SHROOM2: variants seen among roughly 807,000 people sequenced by gnomAD.
SHROOM2 encodes shroom family member 2.
SHROOM2 carries 33 observed loss-of-function variants against 75.9 expected under a neutral mutation model. That is an observed-to-expected ratio of 0.43 (90% CI 0.33 to 0.58). The LOEUF is 0.58. Among genes scored for constraint, SHROOM2 ranks in the 20% least tolerant of loss-of-function variants. SHROOM2 has a pLI of 0.04. For missense variants in SHROOM2, 1,434 were observed against 1,461.2 expected, an observed-to-expected ratio of 0.98 and a Z score of 0.30; for synonymous variants, 655 against 663.6, an observed-to-expected ratio of 0.99 and a Z score of 0.20.
At chrX:9,919,221 G>C (rs906507405) in intron 5 of SHROOM2, among the ~76,000 whole-genome samples, 16 of 109,963 alleles carry the variant, frequency 1.5e-4, no homozygotes, top group Non-Finnish European at 2.7e-4. Context: ...ATGGTGAAGT[G>C]CAGTCTAGGA....
At chrX:9,873,466 G>A (rs1443861954) in intron 1 of SHROOM2, among the ~76,000 whole-genome samples, 186 bp from the exon 2 acceptor site, 1 of 111,493 alleles carries the variant, frequency 9.0e-6, no homozygotes, top group Admixed American at 9.5e-5. Context: ...AACAGGAGTC[G>A]TGTCCAGGGA....
chrX:9,930,018 C>G (rs183385993), intron 5 of SHROOM2, among the ~76,000 whole-genome samples: 4 of 111,848 alleles, frequency 3.6e-5, no homozygotes, highest in African/African-American at 6.5e-5. Flanking sequence ...ATGTGGAACT[C>G]TAAGTCCAAT....
chrX:9,893,846 CG>C (rs1260352288), intron 3 of SHROOM2, among the ~76,000 whole-genome samples: 1 of 107,511 alleles, frequency 9.3e-6, no homozygotes, highest in Non-Finnish European at 1.9e-5. Context: ...CCCAGCTACT[CG>C]GGAGGCTGAG....
In SHROOM2 at chrX:9,944,446, A is replaced by T. The variant is rs3815015; in HGVS notation, c.4312-195A>T. Among the ~76,000 whole-genome samples, 23,961 of 111,696 alleles carry T rather than the reference A, an allele frequency of 0.21. 2,404 individuals are homozygous for T. Among genetic ancestry groups the T allele is most frequent in the African/African-American group, 0.39 (11,828 of 30,655 alleles). On this transcript the variant is annotated intron_variant, in intron 8 of 9. Coordinates refer to ENST00000380913, the MANE Select transcript of SHROOM2 (RefSeq NM_001649.4). ...GTTTATTTTATTTTTAAATGCCAATAGTGCCATTAGGAGTCATTCTTCTTT... is the reference window on the plus strand; with the variant it reads ...GTTTATTTTATTTTTAAATGCCAATTGTGCCATTAGGAGTCATTCTTCTTT...
chrX:9,926,162 T>C (rs1240038622), intron 5 of SHROOM2, among the ~76,000 whole-genome samples: 2 of 111,837 alleles, frequency 1.8e-5, no homozygotes, highest in African/African-American at 6.5e-5. Context: ...ATGTGGCCTG[T>C]GATCAGCTTG....
intron 1 of SHROOM2, among the ~76,000 whole-genome samples, chrX:9,838,229 T>G (rs920806858): frequency 2.8e-5 from 3 of 108,792 alleles, no homozygotes; most frequent in Non-Finnish European, 5.7e-5. Context: ...CCCGGCTAAT[T>G]TTTTGTATTT....
In SHROOM2 at chrX:9,895,984, G is replaced by A; in HGVS notation, c.2076G>A (p.Leu692=). The A allele has an allele frequency of 8.3e-7, 1 of 1,204,083 alleles. No homozygotes were observed. Among genetic ancestry groups the A allele is most frequent in the Non-Finnish European group, 1.1e-6 (1 of 891,908 alleles). ...TGAAAGAGGCCCAAGCCCGGGTCCTGAGGGCCACGTCCTTCAAGCGCCGCG... is the reference window on the plus strand; with the variant it reads ...TGAAAGAGGCCCAAGCCCGGGTCCTAAGGGCCACGTCCTTCAAGCGCCGCG... ...DHLKEAQARV[L]RATSFKRRDL... Residue 692 remains leucine (L), a synonymous_variant, in exon 4 of 10, where the codon CTG becomes CTA. Coordinates refer to ENST00000380913, the MANE Select transcript of SHROOM2 (RefSeq NM_001649.4).
chrX:9,843,376 T>A (rs891438575), intron 1 of SHROOM2, among the ~76,000 whole-genome samples: 4 of 110,812 alleles, frequency 3.6e-5, no homozygotes, highest in African/African-American at 6.6e-5. Context: ...TGTCCTTTTC[T>A]GTCCTGGGAT....
At chrX:9,919,255 T>C (rs761635356) in intron 5 of SHROOM2, among the ~76,000 whole-genome samples, 30 of 107,725 alleles carry the variant, frequency 2.8e-4, no homozygotes, top group Non-Finnish European at 4.6e-4. Flanking sequence ...GATTCAGTAC[T>C]GTGCAAGTTC....
Position 9,895,216 on chromosome X carries a change from C to A in SHROOM2, c.1308C>A (p.Ser436Arg). The change falls in exon 4 of 10, where the codon AGC becomes AGA. Residue 436 changes from serine (S) to arginine (R), a missense_variant. Physicochemically the swap from Ser to Arg is moderately radical, Grantham distance 110. This residue lies in a region of SHROOM2 where 1,340 missense variants were observed against 1,338.3 expected (regional missense o/e 1.00). Transcript: ENST00000380913. ...GRHPPLYSDH[S>R]PLCADSLGQE... ...ACCCTCCCCTATACAGCGACCACAG[C>A]CCCCTCTGTGCTGACAGCCTTGGGC... is the stretch of plus-strand genomic sequence containing the variant. 8.3e-7 allele frequency: 1 copy of A among 1,207,216 alleles called. No individual in the cohort carries two copies. The highest frequency in any genetic ancestry group is 1.1e-6 in the Non-Finnish European group (1 of 893,306).
chrX:9,822,983 TAA>T (rs1488139894), intron 1 of SHROOM2, among the ~76,000 whole-genome samples: 2,045 of 77,973 alleles, frequency 0.026, 68 homozygotes, highest in East Asian at 0.17. Flanking sequence ...ATAAGAATAA[TAA>T]TTCTTCTTCT....
intron 6 of SHROOM2, among the ~76,000 whole-genome samples, chrX:9,935,223 G>A (rs1052575919): frequency 2.7e-5 from 3 of 111,350 alleles, no homozygotes; most frequent in Non-Finnish European, 3.8e-5. Flanking sequence ...AGCTTCTCCC[G>A]GGAGCCGGGG....
At chrX:9,790,113 G>A (rs919797212) in intron 1 of SHROOM2, among the ~76,000 whole-genome samples, 21 of 112,337 alleles carry the variant, frequency 1.9e-4, no homozygotes, top group African/African-American at 6.8e-4. Flanking sequence ...GTGCAGCCAG[G>A]TGGCAAGTGT....
At position 9,831,833 on chromosome X, in the gene SHROOM2, C is replaced by G. The variant is rs1002194903; in HGVS notation, c.166-41819C>G. On this transcript the variant is annotated intron_variant, in intron 1 of 9. Transcript: ENST00000380913. ...AGGGGCAACAGAGCTCTCTGGGGTC[C>G]CTTTAATAAGGGCACTAATCCCATT... 1.3e-4 allele frequency among the ~76,000 whole-genome samples: 14 copies of G among 110,623 alleles called. 1 individual carries two copies. Among genetic ancestry groups the G allele is most frequent in the Admixed American group, 6.7e-4 (7 of 10,406 alleles).
chrX:9,918,014 C>T (rs753678818), intron 5 of SHROOM2, among the ~76,000 whole-genome samples: 1 of 111,817 alleles, frequency 8.9e-6, no homozygotes, highest in Non-Finnish European at 1.9e-5. Flanking sequence ...GTATGGAATC[C>T]TCTCCTAGGC....
At chrX:9,911,645 G>C (rs2147031557) in intron 5 of SHROOM2, among the ~76,000 whole-genome samples, 1 of 111,119 alleles carries the variant, frequency 9.0e-6, no homozygotes, top group East Asian at 2.9e-4. Flanking sequence ...TTTAAATAGA[G>C]ATCATTGTGA....
At chrX:9,833,679 G>A (rs191648316) in intron 1 of SHROOM2, among the ~76,000 whole-genome samples, 1 of 107,617 alleles carries the variant, frequency 9.3e-6, no homozygotes, top group Non-Finnish European at 1.9e-5. Context: ...CAGAATTCCA[G>A]ACAACTCCAG....
At chrX:9,786,858 C>A (rs1290735636) in intron 1 of SHROOM2, 148 bp downstream of exon 1, 2 of 358,161 alleles carry the variant, frequency 5.6e-6, no homozygotes, top group African/African-American at 5.5e-5. Flanking sequence ...GGCCTGGGCG[C>A]CGGGACCGGC....
rs753115210 is a variant in SHROOM2, at chrX:9,895,654, G to C, written c.1746G>C (p.Gln582His). The change falls in exon 4 of 10, where the codon CAG becomes CAC. Residue 582 changes from glutamine to histidine, a missense_variant. Transcript: ENST00000380913. The part of the protein sequence containing the change: ...ADGESSRICP[Q>H]ETPLLHSLTQ... ...GGGAGAGCAGCAGGATCTGCCCGCA[G>C]GAGACGCCCCTGTTGCACTCCCTGA... 1.5e-5 allele frequency: 17 copies of C among 1,167,881 alleles called. No individual in the cohort carries two copies. In the African/African-American group the frequency reaches 2.7e-4, roughly 18 times the overall value.
Sources: allele counts gnomAD v4.1 joint callset (sites outside exome capture counted in the v4.1 genomes callset), GRCh38; gene constraint gnomAD v4.1.1; regional missense constraint gnomAD v4.1.1; transcripts MANE v1.5; gene names NCBI Gene and HGNC (gene_info 2026-07-23, HGNC 2026-07-21).